KNL1: variants seen among roughly 807,000 people sequenced by gnomAD.
The protein encoded by KNL1 is kinetochore scaffold 1, also known as outer kinetochore KNL1 complex subunit KNL1.
In KNL1, 66 loss-of-function variants were observed where a neutral mutation model predicts 201.3. The observed-to-expected ratio is 0.33, with a 90% confidence interval of 0.27 to 0.40. The LOEUF (loss-of-function observed/expected upper bound fraction) is 0.40. Ranked by LOEUF, KNL1 falls within the 10% of genes least tolerant of loss-of-function variation. The pLI, the probability that KNL1 is intolerant of heterozygous loss-of-function variation, is 1.00. For synonymous variants in KNL1, 895 were observed against 899.2 expected (o/e 1.00, Z 0.08); for missense variants, 2,815 against 2,690.5 (o/e 1.05, Z -1.02).
chr15:40,609,496 C>G (rs912695548), intron 5 of KNL1, among the ~76,000 whole-genome samples: 10 of 152,290 alleles, frequency 6.6e-5, no homozygotes, highest in Middle Eastern at 3.4e-3. Context: ...GGATTCAAGG[C>G]AGATGTCAAA....
Position 40,625,627 on chromosome 15 carries a change from C to T in KNL1, c.5363C>T (p.Thr1788Ile), listed in dbSNP as rs769044734. 23 of 1,610,574 alleles carry T rather than the reference C, an allele frequency of 1.4e-5. No individual in the cohort carries two copies. The East Asian group carries it at 4.5e-4, about 31-fold the overall frequency. ...AATGAGATTAAGTTTAGTGATACGA[C>T]ACAAGATCGGGAGGTGAGCTCTGTC... is the stretch of plus-strand genomic sequence containing the variant. ...RKNEIKFSDTTQDREIFDHHT... is the reference protein window; with the variant it reads ...RKNEIKFSDTIQDREIFDHHT... Residue 1788 changes from threonine to isoleucine, a missense_variant, in exon 10 of 26, where the codon ACA (threonine) becomes ATA (isoleucine). Thr to Ile is a moderately conservative substitution (Grantham distance 89, BLOSUM62 -1). This residue lies in a region of KNL1 where 2,464 missense variants were observed against 2,291.7 expected (regional missense o/e 1.08). Transcript: ENST00000399668.
chr15:40,642,877 C>T (rs1893272047), intron 14 of KNL1: 3 of 152,218 alleles, frequency 2.0e-5, no homozygotes, highest in Admixed American at 2.0e-4. Flanking sequence ...ATCTACCCAC[C>T]TCGGCCTCCC....
chr15:40,623,795 A>C lies in KNL1; in HGVS notation c.3531A>C (p.Gln1177His). The change falls in exon 10 of 26, where the codon CAA (glutamine) becomes CAC (histidine). Residue 1177 changes from glutamine (Q) to histidine (H), a missense_variant. Physicochemically the swap from Gln to His is conservative, Grantham distance 24. Coordinates refer to ENST00000399668, the MANE Select transcript of KNL1 (RefSeq NM_144508.5). ...CCCATACTGTTTTCATTGACTGTCAAGCCACAGAGAAAATACTTGAAGAAA... is the reference window on the plus strand; with the variant it reads ...CCCATACTGTTTTCATTGACTGTCACGCCACAGAGAAAATACTTGAAGAAA... Reference protein sequence around the residue: ...TDSHTVFIDCQATEKILEENP... With the variant: ...TDSHTVFIDCHATEKILEENP... 2 of 1,613,870 alleles carry C rather than the reference A, an allele frequency of 1.2e-6. No homozygotes were observed. The highest frequency in any genetic ancestry group is 1.7e-4 in the Middle Eastern group (1 of 6,060).
chr15:40,647,119 C>G lies in KNL1; in HGVS notation c.6094+45C>G, dbSNP rs771726513. 1.9e-5 allele frequency: 17 copies of G among 915,556 alleles called. No homozygotes were observed. The highest frequency in any genetic ancestry group is 4.3e-4 in the Middle Eastern group (2 of 4,678). 56.7% of individuals were successfully genotyped at this position (915,556 alleles called of 1,614,324 possible). A position where few individuals can be genotyped will look rare whatever the true frequency, so the allele number is the denominator to read the frequency against. Reference sequence around the variant, plus strand: ...TTTCCAAAAGAAAATTTAATTTTATCTAAATGCTCTCCTACAGTAGAGAAT... The same window carrying G: ...TTTCCAAAAGAAAATTTAATTTTATGTAAATGCTCTCCTACAGTAGAGAAT... On this transcript the variant is annotated intron_variant, in intron 17 of 25. Coordinates refer to ENST00000399668, the MANE Select transcript of KNL1 (RefSeq NM_144508.5).
In KNL1 at chr15:40,634,340, C is replaced by T. The variant is rs1176899923; in HGVS notation, c.5682+4969C>T. Among the ~76,000 whole-genome samples, 14 of 152,242 alleles carry T rather than the reference C, an allele frequency of 9.2e-5. No individual in the cohort carries two copies. The East Asian group carries it at 2.1e-3, about 23-fold the overall frequency. On this transcript the variant is annotated intron_variant, in intron 13 of 25. Transcript: ENST00000399668. ...CAGGCTGGTCTCGAACTCTTGACCT[C>T]GTGACCCGCCCACCTCAGCCTCCCA...
intron 10 of KNL1, among the ~76,000 whole-genome samples, chr15:40,626,940 G>T (rs1384109335): frequency 6.6e-6 from 1 of 152,150 alleles, no homozygotes; most frequent in East Asian, 1.9e-4. Flanking sequence ...TGTTGCCCAG[G>T]CTGGAGCACA....
rs912379690 is a variant in KNL1 at position 40,628,014 on chromosome 15, C to T, written c.5377-56C>T. The T allele has an allele frequency of 5.2e-6, 6 of 1,164,200 alleles. No homozygotes were observed. The Admixed American group carries it at 1.1e-4, about 21-fold the overall frequency. The allele number at this position is 1,164,200 out of a possible 1,614,324, so 72.1% of individuals were successfully genotyped here. ...AAGTAGTATTTCTGTTAGTGTTTGTCGTAAGTATACAGTGTATATTTTATT... is the reference window on the plus strand; with the variant it reads ...AAGTAGTATTTCTGTTAGTGTTTGTTGTAAGTATACAGTGTATATTTTATT... On this transcript the variant is annotated intron_variant, in intron 10 of 25. Transcript: ENST00000399668.
intron 17 of KNL1, among the ~76,000 whole-genome samples, chr15:40,647,340 T>G (rs898882692): frequency 1.3e-5 from 2 of 151,984 alleles, no homozygotes; most frequent in Non-Finnish European, 2.9e-5. Flanking sequence ...CTGGGCGTGG[T>G]GACGGGCGCC....
intron 5 of KNL1, 119 bp from the exon 6 acceptor site, chr15:40,610,126 A>G: frequency 1.7e-6 from 1 of 605,120 alleles, no homozygotes; most frequent in East Asian, 2.7e-5. Context: ...ATGGCATAGC[A>G]AAGAGGAAGC....
intron 21 of KNL1, among the ~76,000 whole-genome samples, chr15:40,654,111 C>T (rs981778470): frequency 3.9e-5 from 6 of 152,116 alleles, no homozygotes; most frequent in African/African-American, 1.4e-4. Flanking sequence ...GTGCCTAACA[C>T]ATAGAAAATA....
At chr15:40,647,973 G>A (rs186430809) in intron 17 of KNL1, among the ~76,000 whole-genome samples, 8 of 152,058 alleles carry the variant, frequency 5.3e-5, no homozygotes, top group Non-Finnish European at 8.8e-5. Flanking sequence ...TAGTGCTTTC[G>A]TGTGCCTTAA....
chr15:40,608,659 C>T (rs1291343415), intron 4 of KNL1, among the ~76,000 whole-genome samples, 188 bp from the exon 5 acceptor site: 1 of 150,578 alleles, frequency 6.6e-6, no homozygotes, highest in African/African-American at 2.4e-5. Flanking sequence ...GCAGGAGAAT[C>T]GCTTGAATCC....
At chr15:40,655,424 C>G (rs1244761159) in intron 22 of KNL1, among the ~76,000 whole-genome samples, 2 of 151,564 alleles carry the variant, frequency 1.3e-5, no homozygotes, top group Admixed American at 1.3e-4. Flanking sequence ...AAACCCATCT[C>G]TACTAAAAAT....
intron 6 of KNL1, among the ~76,000 whole-genome samples, chr15:40,611,244 G>A (rs1184620458): frequency 6.6e-6 from 1 of 151,724 alleles, no homozygotes; most frequent in African/African-American, 2.4e-5. Flanking sequence ...GAGTAGCTGG[G>A]ATTACATGTG....
chr15:40,625,311 C>G lies in KNL1; in HGVS notation c.5047C>G (p.His1683Asp). The change falls in exon 10 of 26, where the codon CAC (histidine) becomes GAC (aspartate). Residue 1683 changes from histidine (H) to aspartate (D), a missense_variant. Around this residue, in one of 3 missense-constraint regions of KNL1, gnomAD observed 2,464 missense variants for 2,291.7 expected, o/e 1.08. Coordinates refer to ENST00000399668, the MANE Select transcript of KNL1 (RefSeq NM_144508.5). Reference sequence around the variant, plus strand: ...TCCAGCAGACACAACTGATATAAATCACTTAGAAACTCAGCCGGTCTCTAG... The same window carrying G: ...TCCAGCAGACACAACTGATATAAATGACTTAGAAACTCAGCCGGTCTCTAG... ...QIPADTTDIN[H>D]LETQPVSSKD... 6.2e-7 allele frequency: 1 copy of G among 1,614,058 alleles called. No homozygotes were observed. The highest frequency in any genetic ancestry group is 8.5e-7 in the Non-Finnish European group (1 of 1,179,978).
chr15:40,602,940 G>A lies in KNL1; in HGVS notation c.9G>A (p.Gly3=), dbSNP rs776719828. 1.9e-6 allele frequency: 3 copies of A among 1,591,076 alleles called. No homozygotes were observed. The highest frequency in any genetic ancestry group is 2.2e-5 in the South Asian group (2 of 89,116). The change falls in exon 2 of 26, where the codon GGG becomes GGA. Residue 3 remains glycine (G), a synonymous_variant. Transcript: ENST00000399668. MD[G]VSSEANEEND... ...AAAAGTTTTCTTCAAAAATGGATGGGGTGTCTTCAGAGGCTAATGAAGAAA... is the reference window on the plus strand; with the variant it reads ...AAAAGTTTTCTTCAAAAATGGATGGAGTGTCTTCAGAGGCTAATGAAGAAA...
In KNL1 at chr15:40,625,432, T is replaced by C; in HGVS notation, c.5168T>C (p.Ile1723Thr). ...EENLPVYPDE[I>T]NSSDSINIET... ...AATCTTCCTGTATATCCTGATGAGA[T>C]CAATTCTTCAGACTCTATTAACATA... Residue 1723 changes from isoleucine (I) to threonine (T), a missense_variant, in exon 10 of 26, where the codon ATC (isoleucine) becomes ACC (threonine). Coordinates refer to ENST00000399668, the MANE Select transcript of KNL1 (RefSeq NM_144508.5). The C allele has an allele frequency of 6.2e-7, 1 of 1,613,924 alleles. No individual in the cohort carries two copies. The highest frequency in any genetic ancestry group is 8.5e-7 in the Non-Finnish European group (1 of 1,179,928).
At chr15:40,599,312 C>CAA (rs547293277) in intron 1 of KNL1, among the ~76,000 whole-genome samples, 6 of 57,158 alleles carry the variant, frequency 1.0e-4, no homozygotes, top group African/African-American at 2.0e-4. Flanking sequence ...GATTCTGCCT[C>CAA]AAAAAAAAAA....
At chr15:40,598,873 G>A (rs35884042) in intron 1 of KNL1, among the ~76,000 whole-genome samples, 39,235 of 151,606 alleles carry the variant, frequency 0.26, 6,103 homozygotes, top group Middle Eastern at 0.38. Flanking sequence ...GCGTGATCAC[G>A]GCTCACTGCA....
Sources: gnomAD v4.1 joint callset for allele counts (sites outside exome capture counted in the v4.1 genomes callset) on GRCh38, gnomAD v4.1.1 for gene constraint, gnomAD v4.1.1 regional missense constraint, MANE v1.5 for transcripts, NCBI Gene and HGNC (gene_info 2026-07-23, HGNC 2026-07-21) for gene names.